The following STIL variants were observed in gnomAD, a reference collection of about 807,000 sequenced individuals.
STIL encodes SCL-interrupting locus protein.
Under a neutral mutation model 110.1 loss-of-function variants are expected in STIL, and 55 were observed. The observed-to-expected ratio is 0.50, with a 90% CI of 0.40 to 0.63. STIL has a LOEUF of 0.63. Among genes scored for constraint, STIL ranks in the 20% least tolerant of loss-of-function variants. The pLI is 0.00. For missense variants in STIL, 1,358 were observed against 1,530.0 expected (o/e 0.89, Z 1.87); for synonymous variants, 481 against 530.0 (o/e 0.91, Z 1.27).
At position 47,280,487 on chromosome 1, in the gene STIL, A is replaced by G; in HGVS notation, c.1971T>C (p.Cys657=). ...GCPALYCNAF[C]SSSSPIALRP... ...TCAAGGCTATAGGACTACTTGAAGA[A>G]CAGAATGCATTACAGTACAGGGCTG... is the stretch of plus-strand genomic sequence containing the variant. The change falls in exon 12 of 17, where the codon TGT becomes TGC. Residue 657 remains cysteine, a synonymous_variant. Transcript: ENST00000371877. 1 of 1,614,262 alleles carries G rather than the reference A, an allele frequency of 6.2e-7. No individual in the cohort carries two copies. The highest frequency in any genetic ancestry group is 8.5e-7 in the Non-Finnish European group (1 of 1,180,050).
chr1:47,305,137 T>TA, intron 2 of STIL, 141 bp from the exon 3 acceptor site: 1 of 640,004 alleles, frequency 1.6e-6, no homozygotes. Context: ...ATATATATAT[T>TA]TTTTTTGAGA....
intron 5 of STIL, 70 bp from the exon 6 acceptor site, chr1:47,300,222 T>C (rs1645763569): frequency 7.2e-7 from 1 of 1,382,136 alleles, no homozygotes; most frequent in Admixed American, 2.0e-5. Context: ...GTTTATTTTA[T>C]ACTGATACAT....
Position 47,272,218 on chromosome 1 carries a change from C to T in STIL, c.2241G>A (p.Gln747=). ...QAQIQRLLEA[Q]SLMPCSPKTT... is the part of the protein sequence containing the mutation. ...TCTTAGGGGAACAGGGCATCAGAGA[C>T]TGTGCTTCCAACAAACGCTGAATCT... The change falls in exon 13 of 17, where the codon CAG becomes CAA. Residue 747 remains glutamine (Q), a synonymous_variant. Transcript: ENST00000371877. The T allele has an allele frequency of 1.2e-6, 2 of 1,614,198 alleles. No homozygotes were observed. The highest frequency in any genetic ancestry group is 1.7e-6 in the Non-Finnish European group (2 of 1,180,034).
In STIL at chr1:47,251,251, G is replaced by A. The variant is rs1390893324; in HGVS notation, c.3752C>T (p.Thr1251Ile). 2 of 1,612,024 alleles carry A rather than the reference G, an allele frequency of 1.2e-6. No individual in the cohort carries two copies. Among genetic ancestry groups the A allele is most frequent in the Admixed American group, 3.3e-5 (2 of 59,788 alleles). ...HPEKENEGDITIFPESLQPSE... is the reference protein window; with the variant it reads ...HPEKENEGDIIIFPESLQPSE... ...AGGTTGCAAACTTTCAGGAAAAATTGTAATGTCCCCTTCATTTTCTTTCTC... is the reference window on the plus strand; with the variant it reads ...AGGTTGCAAACTTTCAGGAAAAATTATAATGTCCCCTTCATTTTCTTTCTC... Residue 1251 changes from threonine (T) to isoleucine (I), a missense_variant, in exon 17 of 17, where the codon ACA becomes ATA. Coordinates refer to ENST00000371877, the MANE Select transcript of STIL (RefSeq NM_001048166.1).
chr1:47,311,283 C>CTT (rs536667689), intron 1 of STIL, among the ~76,000 whole-genome samples: 7,089 of 132,092 alleles, frequency 0.054, 642 homozygotes, highest in African/African-American at 0.19. Flanking sequence ...TTCTTTTTTT[C>CTT]TTTTTTTTTT....
upstream of STIL, among the ~76,000 whole-genome samples, chr1:47,314,848 C>T (rs1646239190): frequency 6.6e-6 from 1 of 151,978 alleles, no homozygotes; most frequent in Admixed American, 6.6e-5. Flanking sequence ...TCTCAGCTTC[C>T]CAATTAGCTG....
At chr1:47,292,123 A>G (rs540883860) in intron 8 of STIL, among the ~76,000 whole-genome samples, 1 of 151,282 alleles carries the variant, frequency 6.6e-6, no homozygotes, top group African/African-American at 2.4e-5. Context: ...CAGCCTCCCA[A>G]AGTCCCAAAG....
At chr1:47,302,864 A>G (rs1288887336) in intron 3 of STIL, among the ~76,000 whole-genome samples, 1 of 152,194 alleles carries the variant, frequency 6.6e-6, no homozygotes, top group Non-Finnish European at 1.5e-5. Flanking sequence ...ATAGTAGCAT[A>G]ATTTTAACAG....
At chr1:47,299,749 G>T in intron 6 of STIL, 156 bp downstream of exon 6, 1 of 877,378 alleles carries the variant, frequency 1.1e-6, no homozygotes, top group Non-Finnish European at 1.7e-6. Flanking sequence ...CATATTCAAC[G>T]AAAATAAACC....
intron 13 of STIL, among the ~76,000 whole-genome samples, chr1:47,270,251 TATATAC>T (rs1281889557): frequency 4.3e-4 from 51 of 119,182 alleles, no homozygotes; most frequent in Non-Finnish European, 5.9e-4. Context: ...AATATATATA[TATATAC>T]ACACACACAC....
At chr1:47,255,568 A>AAT (rs55826662) in intron 16 of STIL, among the ~76,000 whole-genome samples, 1 of 149,930 alleles carries the variant, frequency 6.7e-6, no homozygotes, top group Non-Finnish European at 1.5e-5. Context: ...AAAAAAAAAA[A>AAT]GTCAACTTTG....
intron 15 of STIL, among the ~76,000 whole-genome samples, chr1:47,262,088 T>C (rs956359390): frequency 6.6e-6 from 1 of 152,200 alleles, no homozygotes; most frequent in Non-Finnish European, 1.5e-5. Flanking sequence ...TTTCTCAAAG[T>C]AAGAATGACC....
At chr1:47,268,953 C>A (rs1410424291) in intron 14 of STIL, among the ~76,000 whole-genome samples, 1 of 149,774 alleles carries the variant, frequency 6.7e-6, no homozygotes, top group Non-Finnish European at 1.5e-5. Flanking sequence ...CGGAATTAGC[C>A]GGGCATGGTG....
chr1:47,272,023 A>T, intron 13 of STIL, 53 bp downstream of exon 13: 1 of 1,586,656 alleles, frequency 6.3e-7, no homozygotes, highest in Non-Finnish European at 8.6e-7. Context: ...AAAACCAGAT[A>T]TGAAAAGCAT....
In STIL at chr1:47,287,629, C is replaced by T. The variant is rs141678367; in HGVS notation, c.1055G>A (p.Arg352His). The change falls in exon 10 of 17, where the codon CGT becomes CAT. Residue 352 changes from arginine (R) to histidine (H), a missense_variant. By Grantham distance (29) the Arg-to-His change is conservative. Transcript: ENST00000371877. ...NVEPPDKNPIRCELSAESQNA... is the reference protein window; with the variant it reads ...NVEPPDKNPIHCELSAESQNA... Reference sequence around the variant, plus strand: ...TTGGCTTTCAGCGCTCAGTTCACAACGGATTGGATTTTTGTCAGGAGGTTC... The same window carrying T: ...TTGGCTTTCAGCGCTCAGTTCACAATGGATTGGATTTTTGTCAGGAGGTTC... 8.3e-4 allele frequency: 1,332 copies of T among 1,613,536 alleles called. 4 individuals are homozygous for T. In the African/African-American group the frequency reaches 0.01, roughly 12 times the overall value.
intron 7 of STIL, among the ~76,000 whole-genome samples, chr1:47,295,544 C>T (rs1645618120): frequency 6.6e-6 from 1 of 152,048 alleles, no homozygotes; most frequent in Non-Finnish European, 1.5e-5. Context: ...CTCTCCACTG[C>T]ACTCCAGTCT....
Position 47,263,043 on chromosome 1 carries a change from C to T in STIL, c.2689G>A (p.Val897Ile), listed in dbSNP as rs776674838. ...FFPSGQLAES[V>I]SMCLQTGPTG... Reference sequence around the variant, plus strand: ...GGTCCAGTCTGTAAACACATGCTTACACTTTCTGCCAGCTGGCCACTTGGA... The same window carrying T: ...GGTCCAGTCTGTAAACACATGCTTATACTTTCTGCCAGCTGGCCACTTGGA... Residue 897 changes from valine to isoleucine, a missense_variant, in exon 15 of 17, where the codon GTA becomes ATA. Coordinates refer to ENST00000371877, the MANE Select transcript of STIL (RefSeq NM_001048166.1). 4 of 1,614,212 alleles carry T rather than the reference C, an allele frequency of 2.5e-6. No individual in the cohort carries two copies. The South Asian group carries it at 3.3e-5, about 13-fold the overall frequency.
In STIL at chr1:47,302,144, C is replaced by T. The variant is rs2149203715; in HGVS notation, c.265+90G>A. 30 of 936,916 alleles carry T rather than the reference C, an allele frequency of 3.2e-5. No individual in the cohort carries two copies. In the South Asian group the frequency reaches 3.7e-4, roughly 12 times the overall value. The allele number at this position is 936,916 out of a possible 1,614,324, so 58.0% of individuals were successfully genotyped here. ...CTATGTTATGCAAGCTGGTCTTAAA[C>T]TCCTAGGTTCAAGTGATCCTCCCAC... is the stretch of plus-strand genomic sequence containing the variant. On this transcript the variant is annotated intron_variant, in intron 4 of 16. Transcript: ENST00000371877.
chr1:47,297,548 T>C (rs760694864), intron 6 of STIL, among the ~76,000 whole-genome samples: 8 of 152,148 alleles, frequency 5.3e-5, no homozygotes, highest in Non-Finnish European at 8.8e-5. Flanking sequence ...TAATGGGCCC[T>C]AGTAAATATT....
Sources: gnomAD v4.1 joint callset for allele counts (sites outside exome capture counted in the v4.1 genomes callset) on GRCh38, gnomAD v4.1.1 for gene constraint, MANE v1.5 for transcripts, NCBI Gene and HGNC (gene_info 2026-07-23, HGNC 2026-07-21) for gene names.